The following DENND1A variants were observed in gnomAD, a reference collection of about 807,000 sequenced individuals.
DENND1A encodes the protein DENN domain containing 1A, also known as DENN domain-containing protein 1A.
In DENND1A, 51 loss-of-function variants were observed where a neutral mutation model predicts 113.7. The observed-to-expected ratio is 0.45, with a 90% CI of 0.36 to 0.57. The LOEUF is 0.57. Ranked by LOEUF, DENND1A falls within the 20% of genes least tolerant of loss-of-function variation. The probability of loss-of-function intolerance (pLI) is 0.00; values close to 1 mark genes in which losing one functional copy is unlikely to be tolerated. For synonymous variants in DENND1A, 565 were observed against 570.8 expected, an observed-to-expected ratio of 0.99 and a Z score of 0.14; for missense variants, 1,258 against 1,395.9, an observed-to-expected ratio of 0.90 and a Z score of 1.57.
intron 11 of DENND1A, among the ~76,000 whole-genome samples, chr9:123,608,507 ACTCT>A (rs1388133440): frequency 6.6e-6 from 1 of 151,814 alleles, no homozygotes; most frequent in Non-Finnish European, 1.5e-5. Context: ...ACAAATTAAA[ACTCT>A]CTCCTGAGGA....
chr9:123,396,230 G>A (rs1220158940), intron 21 of DENND1A, among the ~76,000 whole-genome samples: 2 of 152,222 alleles, frequency 1.3e-5, no homozygotes, highest in Non-Finnish European at 2.9e-5. Context: ...ATGTTAATAG[G>A]CATCATGTTA....
At chr9:123,807,085 T>C (rs1038245555) in intron 2 of DENND1A, among the ~76,000 whole-genome samples, 3 of 152,222 alleles carry the variant, frequency 2.0e-5, no homozygotes, top group Non-Finnish European at 4.4e-5. Flanking sequence ...AAGAATTAAC[T>C]CAAAATACAA....
At position 123,402,580 on chromosome 9, in the gene DENND1A, C is replaced by T. The variant is rs2043573891; in HGVS notation, c.1631+822G>A. ...TAGTTTTTCTGACTCCTCCAACAAT[C>T]CTAGACCAAGACGAACTCATGCACT... On this transcript the variant is annotated intron_variant, in intron 21 of 23. Coordinates refer to ENST00000394215, the MANE Select transcript of DENND1A (RefSeq NM_001352964.2). 7.5e-6 allele frequency: 4 copies of T among 534,858 alleles called. No individual in the cohort carries two copies. In the Middle Eastern group the frequency reaches 1.3e-3, roughly 170 times the overall value. The allele number at this position is 534,858 out of a possible 1,614,324, so 33.1% of individuals were successfully genotyped here.
chr9:123,424,839 G>A (rs2045591197), intron 19 of DENND1A, among the ~76,000 whole-genome samples: 2 of 152,224 alleles, frequency 1.3e-5, no homozygotes, highest in South Asian at 4.1e-4. Flanking sequence ...AAGGGGCTTG[G>A]CTGAGACACA....
chr9:123,626,060 G>GT (rs747259885), intron 10 of DENND1A, among the ~76,000 whole-genome samples: 1,645 of 146,718 alleles, frequency 0.011, 17 homozygotes, highest in Middle Eastern at 0.046. Flanking sequence ...GCTGGGTTTT[G>GT]TTTTTTTTTT....
intron 13 of DENND1A, among the ~76,000 whole-genome samples, chr9:123,538,855 T>TATATAC (rs1564676522): frequency 3.0e-5 from 3 of 101,288 alleles, no homozygotes; most frequent in African/African-American, 1.2e-4. Flanking sequence ...TATATATATA[T>TATATAC]ATATGAATTC....
chr9:123,527,489 C>T (rs1249409205), intron 13 of DENND1A, among the ~76,000 whole-genome samples: 3 of 152,130 alleles, frequency 2.0e-5, no homozygotes, highest in Non-Finnish European at 4.4e-5. Flanking sequence ...CTTGTGTCTG[C>T]TTCTCCTTCT....
chr9:123,884,988 AGCGC>A (rs201018070), intron 1 of DENND1A, among the ~76,000 whole-genome samples: 1 of 136,330 alleles, frequency 7.3e-6, no homozygotes, highest in African/African-American at 3.0e-5. Flanking sequence ...CTGACCTGCG[AGCGC>A]GCGCGCACAC....
chr9:123,769,534 A>T lies in DENND1A; in HGVS notation c.162T>A (p.Cys54Ter). The T allele has an allele frequency of 6.2e-7, 1 of 1,610,134 alleles. No individual in the cohort carries two copies. Among genetic ancestry groups the T allele is most frequent in the Non-Finnish European group, 8.5e-7 (1 of 1,178,790 alleles). The change falls in exon 4 of 24, where the codon TGT (cysteine) becomes TGA (stop). Residue 54 changes from cysteine to a stop codon, truncating the protein, a stop_gained. Transcript: ENST00000394215. LOFTEE classifies it high-confidence loss of function. ...QEVLQTLTKF[C>*]FPFYVDSLTV... is the part of the protein sequence containing the mutation. ...ACTACCTGTCCACATAGAAGGGGAA[A>T]CAAAACTTGGTCAAAGTCTGTAGAA...
intron 1 of DENND1A, among the ~76,000 whole-genome samples, chr9:123,909,227 T>C (rs1038042856): frequency 8.6e-5 from 13 of 152,034 alleles, no homozygotes; most frequent in Admixed American, 1.3e-4. Flanking sequence ...AGGGATAGCA[T>C]TGGCAGATAT....
At position 123,775,530 on chromosome 9, in the gene DENND1A, A is replaced by G. The variant is rs74572932; in HGVS notation, c.133-5967T>C. On this transcript the variant is annotated intron_variant, in intron 3 of 23. Transcript: ENST00000394215. ...AGATACTATTTTAAAAGAAAAGGGG[A>G]AAAAAAAAAGAGCACTGATAGAAAT... Among the ~76,000 whole-genome samples the G allele has an allele frequency of 7.8e-3, 1,157 of 149,034 alleles. 14 individuals carry two copies. Among genetic ancestry groups the G allele is most frequent in the African/African-American group, 0.022 (907 of 40,502 alleles).
intron 6 of DENND1A, among the ~76,000 whole-genome samples, chr9:123,676,419 G>A (rs1366599164): frequency 1.3e-5 from 2 of 152,086 alleles, no homozygotes; most frequent in East Asian, 3.9e-4. Flanking sequence ...CGGGCTGCTT[G>A]GGAATATTAG....
chr9:123,537,790 G>A (rs2055899890), intron 13 of DENND1A, among the ~76,000 whole-genome samples: 1 of 152,234 alleles, frequency 6.6e-6, no homozygotes. Context: ...TAGAATGTAT[G>A]AGCCAAGGAT....
chr9:123,550,511 C>T (rs1201377280), intron 13 of DENND1A, among the ~76,000 whole-genome samples: 1 of 152,198 alleles, frequency 6.6e-6, no homozygotes, highest in Admixed American at 6.5e-5. Context: ...CAAGGACCTG[C>T]GGTGGGCCAG....
intron 2 of DENND1A, among the ~76,000 whole-genome samples, chr9:123,831,841 G>A: frequency 6.6e-6 from 1 of 152,148 alleles, no homozygotes; most frequent in East Asian, 1.9e-4. Context: ...AAATGAGACA[G>A]GCATGGTGGT....
At chr9:123,905,354 C>A (rs1330077075) in intron 1 of DENND1A, among the ~76,000 whole-genome samples, 26 of 146,664 alleles carry the variant, frequency 1.8e-4, no homozygotes, top group African/African-American at 6.4e-4. Context: ...TCACATATAA[C>A]AATATTAACT....
intron 11 of DENND1A, among the ~76,000 whole-genome samples, chr9:123,600,999 C>T (rs1235212356): frequency 6.6e-6 from 1 of 152,174 alleles, no homozygotes; most frequent in Non-Finnish European, 1.5e-5. Context: ...ATTCAGGCTT[C>T]TCTTGGTAAC....
chr9:123,521,963 C>T (rs1368006698), intron 13 of DENND1A, among the ~76,000 whole-genome samples: 1 of 152,184 alleles, frequency 6.6e-6, no homozygotes, highest in Non-Finnish European at 1.5e-5. Context: ...CCACCCATGC[C>T]GGCTCCCTTC....
intron 11 of DENND1A, among the ~76,000 whole-genome samples, chr9:123,587,846 A>G (rs2059256091): frequency 6.6e-6 from 1 of 152,228 alleles, no homozygotes; most frequent in Admixed American, 6.5e-5. Context: ...TCTGACCCCA[A>G]AGCTGACTTT....
Sources: gnomAD v4.1 joint callset for allele counts (sites outside exome capture counted in the v4.1 genomes callset) on GRCh38, gnomAD v4.1.1 for gene constraint, MANE v1.5 for transcripts, NCBI Gene and HGNC (gene_info 2026-07-23, HGNC 2026-07-21) for gene names.